Variants in B3GALT1 observed in about 807,000 individuals in gnomAD.
B3GALT1 encodes UDP-Gal:betaGlcNAc beta 1,3-galactosyltransferase, polypeptide 1.
Under a neutral mutation model 23.2 loss-of-function variants are expected in B3GALT1, and 10 were observed. The observed-to-expected ratio is 0.43, with a 90% CI of 0.27 to 0.73. B3GALT1 has a LOEUF of 0.73. Among genes scored for constraint, B3GALT1 ranks in the 30% least tolerant of loss-of-function variants. The pLI, the probability that B3GALT1 is intolerant of heterozygous loss-of-function variation, is 0.21. For synonymous variants in B3GALT1, 156 were observed against 141.5 expected, an observed-to-expected ratio of 1.10 and a Z score of -0.73; for missense variants, 299 against 405.4, an observed-to-expected ratio of 0.74 and a Z score of 2.25.
At position 167,340,106 on chromosome 2, in the gene B3GALT1, A is replaced by G. The variant is rs574571288; in HGVS notation, c.-511+46772A>G. Among the ~76,000 whole-genome samples, 8 of 152,306 alleles carry G rather than the reference A, an allele frequency of 5.3e-5. No homozygotes were observed. In the East Asian group the frequency reaches 7.7e-4, roughly 15 times the overall value. On this transcript the variant is annotated intron_variant, in intron 1 of 4. Coordinates refer to ENST00000392690, the MANE Select transcript of B3GALT1 (RefSeq NM_020981.4). ...ATTTCTTGCATGTATGCACTGTTCA[A>G]TAAATAAATACCTGCCAAGGGTTGG...
chr2:167,457,965 T>C (rs899111452), intron 1 of B3GALT1, among the ~76,000 whole-genome samples: 5 of 152,218 alleles, frequency 3.3e-5, no homozygotes, highest in African/African-American at 1.2e-4. Context: ...GTAAAATACA[T>C]ATAACATAAA....
intron 3 of B3GALT1, among the ~76,000 whole-genome samples, chr2:167,672,869 T>C (rs1054454109): frequency 6.6e-6 from 1 of 152,070 alleles, no homozygotes; most frequent in East Asian, 1.9e-4. Flanking sequence ...AACTATATTT[T>C]ATGGCAAACC....
chr2:167,558,391 G>C (rs546628324), intron 2 of B3GALT1: 1 of 152,994 alleles, frequency 6.5e-6, no homozygotes, highest in South Asian at 2.1e-4. Context: ...CAGAAGATGG[G>C]TGATTTCTGC....
chr2:167,361,024 A>G (rs1460628280), intron 1 of B3GALT1, among the ~76,000 whole-genome samples: 1 of 152,162 alleles, frequency 6.6e-6, no homozygotes, highest in African/African-American at 2.4e-5. Context: ...TATTGCTGAA[A>G]AAGATCACAG....
chr2:167,651,739 G>C (rs1006472411), intron 3 of B3GALT1, among the ~76,000 whole-genome samples: 2 of 152,024 alleles, frequency 1.3e-5, no homozygotes, highest in African/African-American at 4.8e-5. Context: ...ACCACGTGCT[G>C]AGTTCAATAG....
chr2:167,321,765 C>A (rs1696815557), intron 1 of B3GALT1, among the ~76,000 whole-genome samples: 1 of 152,030 alleles, frequency 6.6e-6, no homozygotes, highest in African/African-American at 2.4e-5. Context: ...CTCAGTACCC[C>A]ATATCCCATT....
At position 167,872,259 on chromosome 2, in the gene B3GALT1, CAGAT is replaced by C. The variant is rs548248579; in HGVS notation, c.*2243_*2246del. The C allele has an allele frequency of 1.3e-5, 2 of 152,102 alleles. No individual in the cohort carries two copies. The highest frequency in any genetic ancestry group is 1.9e-4 in the East Asian group (1 of 5,196). 9.4% of individuals were successfully genotyped at this position (152,102 alleles called of 1,614,324 possible). On this transcript the variant is annotated 3_prime_UTR_variant, in exon 5 of 5. Coordinates refer to ENST00000392690, the MANE Select transcript of B3GALT1 (RefSeq NM_020981.4). ...GCCCCCCGTAGGAGTTGATAGCAAA[CAGAT>C]AGACACAATGAATAAGTGGAAGTCA...
At chr2:167,811,673 AG>A (rs58857993) in intron 3 of B3GALT1, among the ~76,000 whole-genome samples, 16,141 of 152,156 alleles carry the variant, frequency 0.11, 1,893 homozygotes, top group East Asian at 0.3. Flanking sequence ...TTAAGGGCAA[AG>A]GGTGGCTTCT....
intron 1 of B3GALT1, among the ~76,000 whole-genome samples, chr2:167,320,012 C>A (rs1238946988): frequency 6.6e-6 from 1 of 152,016 alleles, no homozygotes; most frequent in African/African-American, 2.4e-5. Context: ...TGATTTGGAC[C>A]CAGATCAGTG....
chr2:167,853,662 A>G (rs10200961), intron 4 of B3GALT1, among the ~76,000 whole-genome samples: 25,772 of 152,164 alleles, frequency 0.17, 2,674 homozygotes, highest in East Asian at 0.38. Context: ...AAAATGGAAA[A>G]AGAATAACAA....
intron 2 of B3GALT1, among the ~76,000 whole-genome samples, chr2:167,574,548 G>A (rs377431487): frequency 6.6e-6 from 1 of 151,620 alleles, no homozygotes; most frequent in African/African-American, 2.4e-5. Context: ...TAAGTCACAG[G>A]CTACAATTTC....
At chr2:167,735,087 A>G (rs181510922) in intron 3 of B3GALT1, among the ~76,000 whole-genome samples, 369 of 152,332 alleles carry the variant, frequency 2.4e-3, no homozygotes, top group Middle Eastern at 0.017. Flanking sequence ...TCTGGGGGAA[A>G]AGGAATACAA....
intron 1 of B3GALT1, among the ~76,000 whole-genome samples, chr2:167,294,980 G>GA (rs1332072727): frequency 6.6e-6 from 1 of 152,172 alleles, no homozygotes; most frequent in East Asian, 1.9e-4. Flanking sequence ...AAATGCTATA[G>GA]AAAATCAGGA....
At chr2:167,498,092 A>G (rs189651194) in intron 2 of B3GALT1, among the ~76,000 whole-genome samples, 145 of 152,260 alleles carry the variant, frequency 9.5e-4, no homozygotes, top group African/African-American at 3.2e-3. Flanking sequence ...TGATTTTATA[A>G]CAAAGCCCAG....
intron 3 of B3GALT1, among the ~76,000 whole-genome samples, chr2:167,812,984 A>ACC (rs1688920753): frequency 4.5e-5 from 4 of 89,808 alleles, no homozygotes; most frequent in African/African-American, 6.3e-5. Context: ...CACACGCACC[A>ACC]CCACCACCCC....
chr2:167,666,021 C>A (rs865825967), intron 3 of B3GALT1, among the ~76,000 whole-genome samples: 4 of 152,082 alleles, frequency 2.6e-5, no homozygotes, highest in African/African-American at 9.7e-5. Context: ...AATGTGTTTG[C>A]TCTTGCTTTT....
chr2:167,603,777 T>C (rs1008665702), intron 2 of B3GALT1, among the ~76,000 whole-genome samples: 12 of 152,210 alleles, frequency 7.9e-5, no homozygotes, highest in Non-Finnish European at 1.5e-5. Flanking sequence ...TGGGAGATTC[T>C]ACTATTGTGA....
At chr2:167,804,917 G>A (rs1688720396) in intron 3 of B3GALT1, among the ~76,000 whole-genome samples, 1 of 152,136 alleles carries the variant, frequency 6.6e-6, no homozygotes, top group South Asian at 2.1e-4. Context: ...CTTCCACAAT[G>A]GTTGAACTAG....
At chr2:167,674,913 A>G (rs1686396180) in intron 3 of B3GALT1, among the ~76,000 whole-genome samples, 1 of 152,236 alleles carries the variant, frequency 6.6e-6, no homozygotes, top group African/African-American at 2.4e-5. Flanking sequence ...ACAAAAAGGC[A>G]AAACTGTAAT....
Sources: allele counts gnomAD v4.1 joint callset (sites outside exome capture counted in the v4.1 genomes callset), GRCh38; gene constraint gnomAD v4.1.1; transcripts MANE v1.5; gene names NCBI Gene and HGNC (gene_info 2026-07-23, HGNC 2026-07-21).